The following FGGY variants were observed in gnomAD, a reference collection of about 807,000 sequenced individuals.
FGGY encodes FGGY carbohydrate kinase domain containing, also known as FGGY carbohydrate kinase domain-containing protein.
FGGY carries 72 observed loss-of-function variants against 71.3 expected under a neutral mutation model. That is an observed-to-expected ratio of 1.01 (90% confidence interval 0.84 to 1.23). The LOEUF (loss-of-function observed/expected upper bound fraction) is 1.23. FGGY is among the 50% of genes most tolerant of loss of function. FGGY has a pLI of 0.00. For missense variants in FGGY, 668 were observed against 682.3 expected, an observed-to-expected ratio of 0.98 and a Z score of 0.23; for synonymous variants, 251 against 250.3, an observed-to-expected ratio of 1.00 and a Z score of -0.02.
Position 59,505,850 on chromosome 1 carries a change from A to G in FGGY, c.671-6461A>G, listed in dbSNP as rs569061909. ...TTCCCAAAGTGCTCATTAGTCATAG[A>G]TAATTGAAAAACTGGTAGGGGAAGA... On this transcript the variant is annotated intron_variant, in intron 6 of 15. Coordinates refer to ENST00000303721, the MANE Select transcript of FGGY (RefSeq NM_018291.5). Among the ~76,000 whole-genome samples the G allele has an allele frequency of 8.5e-5, 13 of 152,244 alleles. No individual in the cohort carries two copies. In the South Asian group the frequency reaches 2.7e-3, roughly 32 times the overall value.
intron 8 of FGGY, among the ~76,000 whole-genome samples, chr1:59,567,775 G>A (rs1241824133): frequency 6.6e-6 from 1 of 151,336 alleles, no homozygotes. Flanking sequence ...TATTCCCACA[G>A]ACTCACAGTC....
At chr1:59,552,348 T>C (rs1451608832) in intron 7 of FGGY, among the ~76,000 whole-genome samples, 1 of 152,190 alleles carries the variant, frequency 6.6e-6, no homozygotes, top group Non-Finnish European at 1.5e-5. Flanking sequence ...CAGACTTCTA[T>C]TGCCTGGTTG....
intron 6 of FGGY, among the ~76,000 whole-genome samples, chr1:59,460,253 C>T (rs369384765): frequency 1.1e-3 from 164 of 152,304 alleles, no homozygotes; most frequent in African/African-American, 3.5e-3. Flanking sequence ...TTATATCCTG[C>T]GCCTGGCTCG....
chr1:59,347,402 C>T (rs1446660128), intron 4 of FGGY, among the ~76,000 whole-genome samples: 3 of 152,062 alleles, frequency 2.0e-5, no homozygotes, highest in Admixed American at 1.3e-4. Flanking sequence ...CAGCTTCATG[C>T]ATGTCCCTAC....
At chr1:59,580,640 G>C (rs973054660) in intron 8 of FGGY, among the ~76,000 whole-genome samples, 2 of 152,124 alleles carry the variant, frequency 1.3e-5, no homozygotes, top group Admixed American at 1.3e-4. Context: ...AGCAACCGCA[G>C]GTCCTTCTCA....
intron 11 of FGGY, among the ~76,000 whole-genome samples, chr1:59,651,848 C>T (rs1426254930): frequency 2.0e-5 from 3 of 151,684 alleles, no homozygotes; most frequent in Non-Finnish European, 4.4e-5. Context: ...TTCCTAGTCT[C>T]GATGGTCTTT....
At chr1:59,671,423 G>C (rs1445694155) in intron 13 of FGGY, among the ~76,000 whole-genome samples, 2 of 152,184 alleles carry the variant, frequency 1.3e-5, no homozygotes, top group African/African-American at 4.8e-5. Context: ...GAGCCTGGTG[G>C]GATGTGTGAA....
At chr1:59,404,798 T>C (rs1272477570) in intron 5 of FGGY, among the ~76,000 whole-genome samples, 2 of 152,130 alleles carry the variant, frequency 1.3e-5, no homozygotes, top group African/African-American at 4.8e-5. Flanking sequence ...AGCATCTGGG[T>C]GTCTGCTAGA....
intron 7 of FGGY, among the ~76,000 whole-genome samples, chr1:59,553,748 C>A (rs1415422539): frequency 6.6e-6 from 1 of 152,208 alleles, no homozygotes; most frequent in Non-Finnish European, 1.5e-5. Flanking sequence ...CCTCTGATGT[C>A]TAACATTAAT....
At chr1:59,420,849 C>T (rs2065279198) in intron 5 of FGGY, among the ~76,000 whole-genome samples, 1 of 151,302 alleles carries the variant, frequency 6.6e-6, no homozygotes, top group African/African-American at 2.4e-5. Context: ...CACAAAGAGG[C>T]TCAAATTCAC....
intron 7 of FGGY, among the ~76,000 whole-genome samples, chr1:59,514,351 A>T (rs1189796579): frequency 6.6e-6 from 1 of 152,200 alleles, no homozygotes; most frequent in East Asian, 1.9e-4. Flanking sequence ...TTTCCTTGTC[A>T]GTTTCCCAGA....
At chr1:59,521,171 C>T (rs889459960) in intron 7 of FGGY, among the ~76,000 whole-genome samples, 4 of 152,060 alleles carry the variant, frequency 2.6e-5, no homozygotes, top group Non-Finnish European at 4.4e-5. Context: ...AGAGGAAGAA[C>T]GTATTCATGG....
chr1:59,309,215 A>G (rs979537565), intron 1 of FGGY, among the ~76,000 whole-genome samples: 2 of 152,194 alleles, frequency 1.3e-5, no homozygotes, highest in African/African-American at 4.8e-5. Flanking sequence ...GGTATTATCA[A>G]AATTTTCCAG....
intron 8 of FGGY, among the ~76,000 whole-genome samples, chr1:59,606,606 A>G (rs1297605744): frequency 6.6e-6 from 1 of 152,200 alleles, no homozygotes; most frequent in African/African-American, 2.4e-5. Context: ...AATCATGCTG[A>G]CAAGGACCTA....
intron 14 of FGGY, among the ~76,000 whole-genome samples, chr1:59,727,157 C>T (rs1240797191): frequency 6.6e-6 from 1 of 152,140 alleles, no homozygotes; most frequent in Non-Finnish European, 1.5e-5. Flanking sequence ...GTTTTCTGTT[C>T]CTACATTAAT....
intron 5 of FGGY, among the ~76,000 whole-genome samples, chr1:59,381,977 T>C (rs1294309531): frequency 6.6e-6 from 1 of 152,156 alleles, no homozygotes; most frequent in East Asian, 1.9e-4. Context: ...AATCTTTAAG[T>C]ATGACGAGCC....
In FGGY at chr1:59,324,366, T is replaced by C. The variant is rs974803759; in HGVS notation, c.201+2616T>C. 8.8e-5 allele frequency among the ~76,000 whole-genome samples: 11 copies of C among 125,344 alleles called. No individual in the cohort carries two copies. In the East Asian group the frequency reaches 2.7e-3, roughly 31 times the overall value. 82.2% of individuals were successfully genotyped at this position (125,344 alleles called of 152,430 possible). ...ATCTCGGCTCACTGCAAGCTCCGCC[T>C]CCCGGGTTCACGCCATTCTCCTGCC... On this transcript the variant is annotated intron_variant, in intron 2 of 15. Coordinates refer to ENST00000303721, the MANE Select transcript of FGGY (RefSeq NM_018291.5).
chr1:59,452,688 G>A (rs1015451418), intron 5 of FGGY, among the ~76,000 whole-genome samples: 1 of 152,174 alleles, frequency 6.6e-6, no homozygotes, highest in Non-Finnish European at 1.5e-5. Context: ...AGCAGTGAAA[G>A]GTACATCAGT....
At chr1:59,495,172 T>A (rs974329423) in intron 6 of FGGY, among the ~76,000 whole-genome samples, 6 of 152,342 alleles carry the variant, frequency 3.9e-5, no homozygotes, top group African/African-American at 1.2e-4. Context: ...CCCCATTTTT[T>A]AATGGGGTTA....
Sources: allele counts gnomAD v4.1 joint callset (sites outside exome capture counted in the v4.1 genomes callset), GRCh38; gene constraint gnomAD v4.1.1; transcripts MANE v1.5; gene names NCBI Gene and HGNC (gene_info 2026-07-23, HGNC 2026-07-21).